Variants in CNTN4 observed in about 807,000 individuals in gnomAD.
The protein encoded by CNTN4 is contactin-4.
A neutral mutation model predicts 122.5 loss-of-function variants in CNTN4; 77 were observed. The observed-to-expected ratio is 0.63, with a 90% confidence interval of 0.52 to 0.76. The LOEUF (loss-of-function observed/expected upper bound fraction) is 0.76, where lower values mean the gene tolerates loss of function less well. CNTN4 is among the 30% of genes least tolerant of loss of function. The pLI is 0.00. For synonymous variants in CNTN4, 512 were observed against 447.0 expected, an observed-to-expected ratio of 1.15 and a Z score of -1.83; for missense variants, 1,256 against 1,259.1, an observed-to-expected ratio of 1.00 and a Z score of 0.04.
At chr3:2,381,688 G>A (rs1269826558) in intron 3 of CNTN4, among the ~76,000 whole-genome samples, 2 of 152,172 alleles carry the variant, frequency 1.3e-5, no homozygotes, top group Non-Finnish European at 2.9e-5. Context: ...ATTTGTAAAT[G>A]ATGTATAAAA....
In CNTN4 at chr3:2,971,306, A is replaced by C. The variant is rs182012232; in HGVS notation, c.1359-17039A>C. Among the ~76,000 whole-genome samples, 169 of 151,272 alleles carry C rather than the reference A, an allele frequency of 1.1e-3. 1 individual carries two copies. The highest frequency in any genetic ancestry group is 3.9e-3 in the African/African-American group (161 of 40,884). On this transcript the variant is annotated intron_variant, in intron 13 of 24. Coordinates refer to ENST00000418658, the MANE Select transcript of CNTN4 (RefSeq NM_175607.3). Reference sequence around the variant, plus strand: ...TTCAATCCCGTGTTGTTCAAGGGTCAACTGTATATCTATCTATCTATATCT... The same window carrying C: ...TTCAATCCCGTGTTGTTCAAGGGTCCACTGTATATCTATCTATCTATATCT...
At chr3:2,300,732 A>G (rs917078162) in intron 2 of CNTN4, among the ~76,000 whole-genome samples, 4 of 151,144 alleles carry the variant, frequency 2.6e-5, no homozygotes, top group East Asian at 1.9e-4. Flanking sequence ...CCACCATGCC[A>G]TCTAATTTTT....
chr3:2,792,047 G>A lies in CNTN4; in HGVS notation c.359-27439G>A, dbSNP rs183655327. 3.9e-5 allele frequency among the ~76,000 whole-genome samples: 6 copies of A among 152,260 alleles called. No individual in the cohort carries two copies. In the East Asian group the frequency reaches 1.2e-3, roughly 29 times the overall value. On this transcript the variant is annotated intron_variant, in intron 6 of 24. Coordinates refer to ENST00000418658, the MANE Select transcript of CNTN4 (RefSeq NM_175607.3). ...GTGGCACACATTTACCTGTGTACCT[G>A]CAATCCTGCACATGTACCCCTGAAC... is the stretch of plus-strand genomic sequence containing the variant.
chr3:3,004,442 T>TA (rs1260802508), intron 14 of CNTN4, among the ~76,000 whole-genome samples: 1 of 152,228 alleles, frequency 6.6e-6, no homozygotes, highest in African/African-American at 2.4e-5. Context: ...TGTGACACCG[T>TA]ACCTGATATT....
chr3:2,587,981 C>T (rs1275878730), intron 4 of CNTN4, among the ~76,000 whole-genome samples: 3 of 152,082 alleles, frequency 2.0e-5, no homozygotes, highest in Non-Finnish European at 4.4e-5. Flanking sequence ...AGTGAGCTTT[C>T]TAGGTCAGCG....
At chr3:2,462,155 T>C (rs867282349) in intron 3 of CNTN4, among the ~76,000 whole-genome samples, 1 of 152,256 alleles carries the variant, frequency 6.6e-6, no homozygotes, top group Middle Eastern at 3.4e-3. Flanking sequence ...CACCTTTCTA[T>C]GGTTATAACA....
At chr3:2,524,265 C>G (rs1575846183) in intron 3 of CNTN4, among the ~76,000 whole-genome samples, 2 of 152,214 alleles carry the variant, frequency 1.3e-5, no homozygotes, top group South Asian at 2.1e-4. Flanking sequence ...GCTTATCTTG[C>G]TTGGCATCCT....
intron 6 of CNTN4, among the ~76,000 whole-genome samples, chr3:2,766,672 A>G (rs9310849): frequency 0.67 from 101,259 of 151,926 alleles, 35,694 homozygotes; most frequent in Non-Finnish European, 0.78. Flanking sequence ...TGGGTGCACC[A>G]AAATCTGACA....
chr3:2,598,445 G>A (rs941605562), intron 4 of CNTN4, among the ~76,000 whole-genome samples: 11 of 152,074 alleles, frequency 7.2e-5, no homozygotes, highest in East Asian at 1.9e-4. Context: ...TTCTAATCAC[G>A]AAGGACTGGA....
chr3:2,219,277 A>T (rs1269109320), intron 2 of CNTN4, among the ~76,000 whole-genome samples: 1 of 152,226 alleles, frequency 6.6e-6, no homozygotes, highest in Non-Finnish European at 1.5e-5. Context: ...TAGGGCTCCA[A>T]AGAAATACAT....
intron 23 of CNTN4, among the ~76,000 whole-genome samples, chr3:3,051,894 G>A (rs1272439960): frequency 6.6e-6 from 1 of 152,164 alleles, no homozygotes; most frequent in East Asian, 1.9e-4. Context: ...GGATCTTAGG[G>A]AAGGATGAGC....
At chr3:2,108,201 CCTCT>C (rs1438709494) in intron 2 of CNTN4, among the ~76,000 whole-genome samples, 1 of 146,414 alleles carries the variant, frequency 6.8e-6, no homozygotes, top group Non-Finnish European at 1.5e-5. Flanking sequence ...GTTTACATTG[CCTCT>C]CTCTTTGGCC....
At chr3:2,120,609 A>T (rs867458116) in intron 2 of CNTN4, among the ~76,000 whole-genome samples, 1 of 151,046 alleles carries the variant, frequency 6.6e-6, no homozygotes, top group Non-Finnish European at 1.5e-5. Context: ...CTCCATGTTG[A>T]TGAGGCTGGT....
At chr3:2,777,953 G>T (rs1202176614) in intron 6 of CNTN4, among the ~76,000 whole-genome samples, 4 of 152,058 alleles carry the variant, frequency 2.6e-5, no homozygotes, top group Non-Finnish European at 5.9e-5. Flanking sequence ...GGTGGCTCAT[G>T]CCTGTAATGC....
chr3:2,326,132 C>G (rs747992119), intron 2 of CNTN4, among the ~76,000 whole-genome samples: 5 of 152,156 alleles, frequency 3.3e-5, no homozygotes, highest in South Asian at 2.1e-4. Context: ...AAGCAGGTTG[C>G]TTTCCCAAAT....
intron 2 of CNTN4, among the ~76,000 whole-genome samples, chr3:2,193,852 C>T (rs551855843): frequency 2.6e-5 from 4 of 152,282 alleles, no homozygotes; most frequent in African/African-American, 9.6e-5. Flanking sequence ...CAGTCACATG[C>T]TATACAGGTT....
intron 2 of CNTN4, among the ~76,000 whole-genome samples, chr3:2,335,049 C>A (rs1400808555): frequency 1.3e-5 from 2 of 152,134 alleles, no homozygotes; most frequent in Non-Finnish European, 2.9e-5. Context: ...GCTCTGCAGT[C>A]ATTCATGGAT....
rs566712957 is a variant in CNTN4 at position 2,709,825 on chromosome 3, A to T, written c.56-26390A>T. On this transcript the variant is annotated intron_variant, in intron 4 of 24. Coordinates refer to ENST00000418658, the MANE Select transcript of CNTN4 (RefSeq NM_175607.3). The surrounding 1 kb of genome is among the most constrained non-coding windows in gnomAD (Gnocchi z 5.0). ...GCTACTTGGGAGGCTGAGCCAGGAG[A>T]GCCCGGGAGTCCAGCAGTGAGCTGA... 1.3e-5 allele frequency among the ~76,000 whole-genome samples: 2 copies of T among 152,126 alleles called. No individual in the cohort carries two copies. The highest frequency in any genetic ancestry group is 1.3e-4 in the Admixed American group (2 of 15,284).
intron 4 of CNTN4, among the ~76,000 whole-genome samples, chr3:2,572,938 G>A (rs1019397697): frequency 2.6e-5 from 4 of 152,156 alleles, no homozygotes; most frequent in African/African-American, 7.2e-5. Flanking sequence ...TGCTAAGCAC[G>A]TGGTATCCTT....
Sources: gnomAD v4.1 joint callset for allele counts (sites outside exome capture counted in the v4.1 genomes callset) on GRCh38, gnomAD v4.1.1 for gene constraint, Gnocchi (gnomAD v3.1) non-coding constraint, MANE v1.5 for transcripts, NCBI Gene and HGNC (gene_info 2026-07-23, HGNC 2026-07-21) for gene names.